DLD: variants seen among roughly 807,000 people sequenced by gnomAD.
DLD encodes dihydrolipoyl dehydrogenase, mitochondrial.
A neutral mutation model predicts 62.2 loss-of-function variants in DLD; 36 were observed. The observed-to-expected ratio is 0.58, with a 90% CI of 0.44 to 0.76. DLD has a LOEUF of 0.76. DLD is among the 30% of genes least tolerant of loss of function. DLD has a pLI of 0.00. For missense variants in DLD, 541 were observed against 608.6 expected, an observed-to-expected ratio of 0.89 and a Z score of 1.17; for synonymous variants, 204 against 199.6, an observed-to-expected ratio of 1.02 and a Z score of -0.19.
intron 1 of DLD, among the ~76,000 whole-genome samples, chr7:107,892,641 G>A (rs1439895103): frequency 6.6e-6 from 1 of 152,140 alleles, no homozygotes; most frequent in African/African-American, 2.4e-5. Flanking sequence ...CGCCTCCCGG[G>A]TTCAAGTGAT....
intron 2 of DLD, among the ~76,000 whole-genome samples, chr7:107,900,319 G>A (rs1276336551): frequency 6.6e-6 from 1 of 152,062 alleles, no homozygotes; most frequent in Admixed American, 6.6e-5. Flanking sequence ...TTTGGGGAGA[G>A]GGGGTGATGC....
chr7:107,906,270 G>A lies in DLD; in HGVS notation c.586G>A (p.Asp196Asn). 1 of 1,552,762 alleles carries A rather than the reference G, an allele frequency of 6.4e-7. No individual in the cohort carries two copies. The highest frequency in any genetic ancestry group is 8.9e-7 in the Non-Finnish European group (1 of 1,124,540). ...ATATCTTTTGTTTTTCTTACAGATA[G>A]ATGAAGATACAATAGTGTCATCTAC... ...EVTPFPGITI[D>N]EDTIVSSTGA... The change falls in exon 8 of 14, where the codon GAT becomes AAT. Residue 196 changes from aspartate (D) to asparagine (N), a missense_variant. Asp to Asn is a conservative substitution (Grantham distance 23). Coordinates refer to ENST00000205402, the MANE Select transcript of DLD (RefSeq NM_000108.5).
At chr7:107,916,239 A>G (rs2116267019) in intron 9 of DLD, among the ~76,000 whole-genome samples, 2 of 152,316 alleles carry the variant, frequency 1.3e-5, no homozygotes, top group East Asian at 1.9e-4. Flanking sequence ...CTGTGACTCA[A>G]AGACCTGTAT....
In DLD at chr7:107,903,489, C is replaced by A; in HGVS notation, c.279C>A (p.Asn93Lys). 6.3e-7 allele frequency: 1 copy of A among 1,585,614 alleles called. No homozygotes were observed. The highest frequency in any genetic ancestry group is 8.7e-7 in the Non-Finnish European group (1 of 1,154,786). Residue 93 changes from asparagine (N) to lysine (K), a missense_variant, in exon 5 of 14, where the codon AAC becomes AAA. Physicochemically the swap from Asn to Lys is moderately conservative, Grantham distance 94. Coordinates refer to ENST00000205402, the MANE Select transcript of DLD (RefSeq NM_000108.5). ...VGCIPSKALL[N>K]NSHYYHMAHG... is the part of the protein sequence containing the mutation. ...TTAATTTCCTTTAGGCTTTATTGAA[C>A]AACTCTCATTATTACCATATGGCCC...
chr7:107,906,324 GA>G lies in DLD; in HGVS notation c.644del (p.Lys215ArgfsTer9). On this transcript the variant is annotated frameshift_variant, in exon 8 of 14. Transcript: ENST00000205402. LOFTEE classifies it high-confidence loss of function. The stretch of plus-strand genomic sequence containing the variant: ...TGCTTTATCTTTAAAAAAAGTTCCA[GA>G]AAAGATGGTTGTTATTGGTGCAGGA... ...TGALSLKKVP[E>X]KMVVIGAGVI... 6.2e-7 allele frequency: 1 copy of G among 1,611,592 alleles called. No homozygotes were observed. Among genetic ancestry groups the G allele is most frequent in the Non-Finnish European group, 8.5e-7 (1 of 1,177,834 alleles).
At chr7:107,908,258 C>G (rs2032056141) in intron 8 of DLD, among the ~76,000 whole-genome samples, 1 of 150,396 alleles carries the variant, frequency 6.6e-6, no homozygotes, top group African/African-American at 2.4e-5. Context: ...TCAAGTGATT[C>G]TCCTGCCTCA....
At position 107,908,244 on chromosome 7, in the gene DLD, G is replaced by A. The variant is rs1472702082; in HGVS notation, c.684+1876G>A. 6.7e-5 allele frequency among the ~76,000 whole-genome samples: 10 copies of A among 149,620 alleles called. No individual in the cohort carries two copies. The East Asian group carries it at 7.9e-4, about 12-fold the overall frequency. On this transcript the variant is annotated intron_variant, in intron 8 of 13. Transcript: ENST00000205402. ...CGGCTCACTGCAACTTCTGCCTCCC[G>A]GGTTCAAGTGATTCTCCTGCCTCAG... is the stretch of plus-strand genomic sequence containing the variant.
intron 8 of DLD, among the ~76,000 whole-genome samples, chr7:107,909,094 T>C (rs1051885350): frequency 6.6e-6 from 1 of 152,244 alleles, no homozygotes; most frequent in Non-Finnish European, 1.5e-5. Context: ...GAAATCAGTT[T>C]AGTTGTTTTT....
chr7:107,898,580 C>T (rs1476359626), intron 2 of DLD, among the ~76,000 whole-genome samples: 3 of 149,826 alleles, frequency 2.0e-5, no homozygotes, highest in Admixed American at 6.6e-5. Flanking sequence ...CACACCTGGC[C>T]TGTATCCTGA....
At chr7:107,900,460 GT>G (rs946412821) in intron 2 of DLD, among the ~76,000 whole-genome samples, 3 of 151,782 alleles carry the variant, frequency 2.0e-5, no homozygotes, top group African/African-American at 7.3e-5. Context: ...TATGAAGTAG[GT>G]TTTTTTTGTG....
Position 107,893,423 on chromosome 7 carries a change from A to G in DLD, c.118+145A>G, listed in dbSNP as rs1584455742. 2.3e-5 allele frequency: 15 copies of G among 652,834 alleles called. No homozygotes were observed. The South Asian group carries it at 3.3e-4, about 14-fold the overall frequency. 40.4% of individuals were successfully genotyped at this position (652,834 alleles called of 1,614,324 possible). A position where few individuals can be genotyped will look rare whatever the true frequency, so the allele number is the denominator to read the frequency against. ...CATGTATTTATTCGTTTGAATGTAT[A>G]TTGAGCTAGTGTGTTCCAGGCGGTG... On this transcript the variant is annotated intron_variant, in intron 2 of 13. Transcript: ENST00000205402.
Position 107,893,388 on chromosome 7 carries a change from T to A in DLD, c.118+110T>A, listed in dbSNP as rs907338520. 5.1e-6 allele frequency: 4 copies of A among 785,944 alleles called. No individual in the cohort carries two copies. In the African/African-American group the frequency reaches 5.2e-5, roughly 10 times the overall value. 48.7% of individuals were successfully genotyped at this position (785,944 alleles called of 1,614,324 possible). ...ATAACTTATGTTAAGTGTCTTATAG[T>A]TCATTTGTTCATGTATTTATTCGTT... On this transcript the variant is annotated intron_variant, in intron 2 of 13. Transcript: ENST00000205402.
intron 1 of DLD, among the ~76,000 whole-genome samples, 181 bp from the exon 2 acceptor site, chr7:107,893,019 A>T (rs2031627079): frequency 6.6e-6 from 1 of 152,338 alleles, no homozygotes; most frequent in African/African-American, 2.4e-5. Flanking sequence ...GAAAAATTTA[A>T]ATGATTAGTT....
At chr7:107,911,650 T>C (rs1337238632) in intron 8 of DLD, among the ~76,000 whole-genome samples, 3 of 152,114 alleles carry the variant, frequency 2.0e-5, no homozygotes, top group Non-Finnish European at 4.4e-5. Flanking sequence ...TTTTAAAAAT[T>C]GAGCTATTCT....
Sources: gnomAD v4.1 joint callset for allele counts (sites outside exome capture counted in the v4.1 genomes callset) on GRCh38, gnomAD v4.1.1 for gene constraint, MANE v1.5 for transcripts, NCBI Gene and HGNC (gene_info 2026-07-23, HGNC 2026-07-21) for gene names.